KLRF2: variants seen among roughly 807,000 people sequenced by gnomAD.
The protein encoded by KLRF2 is killer cell lectin-like receptor subfamily F member 2.
KLRF2 carries 28 observed loss-of-function variants against 25.3 expected under a neutral mutation model. The ratio of observed to expected loss-of-function variants is 1.11; its 90% CI spans 0.82 to 1.52. The LOEUF (loss-of-function observed/expected upper bound fraction) is 1.52, where lower values mean the gene tolerates loss of function less well. Ranked by LOEUF, KLRF2 falls within the 40% of genes most tolerant of loss-of-function variation. The pLI, the probability that KLRF2 is intolerant of heterozygous loss-of-function variation, is 0.00. For synonymous variants in KLRF2, 73 were observed against 85.0 expected (o/e 0.86, Z 0.78); for missense variants, 265 against 245.8 (o/e 1.08, Z -0.52).
intron 2 of KLRF2, among the ~76,000 whole-genome samples, chr12:9,888,050 G>C (rs1363012100): frequency 1.8e-5 from 1 of 54,952 alleles, no homozygotes; most frequent in Non-Finnish European, 3.1e-5. Flanking sequence ...GCCAGACCCT[G>C]TGTCAAAAAA....
rs1868096202 is a variant in KLRF2 at position 9,881,649 on chromosome 12, G to A, written c.54G>A (p.Ser18=). ...MTLSFKNRCK[S]KQKSKDFSLY... ...TGAGTTTCAAGAATCGTTGTAAATC[G>A]AAGCAGAAATCTAAAGGTAGGAATA... Residue 18 remains serine, a synonymous_variant, in exon 1 of 6, where the codon TCG becomes TCA. Coordinates refer to ENST00000535540, the MANE Select transcript of KLRF2 (RefSeq NM_001190765.1). The A allele has an allele frequency of 1.6e-5, 24 of 1,535,172 alleles. No homozygotes were observed. The highest frequency in any genetic ancestry group is 2.1e-5 in the Non-Finnish European group (24 of 1,146,170).
In KLRF2 at chr12:9,889,644, A is replaced by ATG. The variant is rs1455179093; in HGVS notation, c.217+865_217+866insGT. Among the ~76,000 whole-genome samples, 184 of 140,828 alleles carry ATG rather than the reference A, an allele frequency of 1.3e-3. 2 individuals carry two copies. Among genetic ancestry groups the ATG allele is most frequent in the African/African-American group, 5.0e-3 (167 of 33,402 alleles). 92.4% of individuals were successfully genotyped at this position (140,828 alleles called of 152,430 possible). ...TAAATCTCTCTCTATATGTGTATAT[A>ATG]TATGTGTGTGTGTGTGTATATATAT... On this transcript the variant is annotated intron_variant, in intron 3 of 5. Coordinates refer to ENST00000535540, the MANE Select transcript of KLRF2 (RefSeq NM_001190765.1).
At chr12:9,886,903 G>A (rs1005229154) in intron 2 of KLRF2, among the ~76,000 whole-genome samples, 1 of 152,116 alleles carries the variant, frequency 6.6e-6, no homozygotes, top group Admixed American at 6.6e-5. Flanking sequence ...TGGAGTGAGA[G>A]AGGGGAGTAG....
chr12:9,892,910 A>AAG (rs1862697673), intron 3 of KLRF2, 110 bp from the exon 4 acceptor site: 1 of 1,054,862 alleles, frequency 9.5e-7, no homozygotes, highest in Non-Finnish European at 1.3e-6. Context: ...GACCAAAAAA[A>AAG]AAAAAATGAG....
intron 2 of KLRF2, among the ~76,000 whole-genome samples, chr12:9,888,069 A>AAG (rs1862619580): frequency 6.7e-6 from 1 of 150,374 alleles, no homozygotes; most frequent in East Asian, 1.9e-4. Context: ...AAAAAAAAAA[A>AAG]AAAAAGTTAA....
At position 9,885,001 on chromosome 12, in the gene KLRF2, C is replaced by G. The variant is rs1263671869; in HGVS notation, c.138C>G (p.Phe46Leu). 1 of 1,322,760 alleles carries G rather than the reference C, an allele frequency of 7.6e-7. No homozygotes were observed. Among genetic ancestry groups the G allele is most frequent in the African/African-American group, 1.5e-5 (1 of 65,898 alleles). 81.9% of individuals were successfully genotyped at this position (1,322,760 alleles called of 1,614,324 possible). ...TTGGATGCATTGTGATCCTTATATT[C>G]ATTATGACAGGGATTGACCTGAAGT... ...LIFGCIVILI[F>L]IMTGIDLKFW... Residue 46 changes from phenylalanine (F) to leucine (L), a missense_variant, in exon 2 of 6, where the codon TTC becomes TTG. Transcript: ENST00000535540.
At chr12:9,886,929 C>T (rs1447938971) in intron 2 of KLRF2, among the ~76,000 whole-genome samples, 4 of 151,864 alleles carry the variant, frequency 2.6e-5, no homozygotes, top group Non-Finnish European at 5.9e-5. Flanking sequence ...AGGTCTACTA[C>T]ATAGCTTGGC....
At chr12:9,888,353 G>T in intron 2 of KLRF2, among the ~76,000 whole-genome samples, 1 of 151,892 alleles carries the variant, frequency 6.6e-6, no homozygotes, top group Non-Finnish European at 1.5e-5. Context: ...AGCTGGGCAT[G>T]GTGGTGCGCG....
rs1591779441 is a variant in KLRF2, at chr12:9,893,002, C to G, written c.218-18C>G. 6.6e-7 allele frequency: 1 copy of G among 1,519,628 alleles called. No individual in the cohort carries two copies. Among genetic ancestry groups the G allele is most frequent in the Non-Finnish European group, 8.8e-7 (1 of 1,134,536 alleles). 94.1% of individuals were successfully genotyped at this position (1,519,628 alleles called of 1,614,324 possible). A position where few individuals can be genotyped will look rare whatever the true frequency, so the allele number is the denominator to read the frequency against. ...TGGCTGTAAAGTTTAATTAATTTTC[C>G]CCTATGTTTTCCTTTAGGACACAAT... is the stretch of plus-strand genomic sequence containing the variant. On this transcript the variant is annotated intron_variant, in intron 3 of 5. Transcript: ENST00000535540.
At chr12:9,894,011 C>A (rs186693092) in intron 5 of KLRF2, among the ~76,000 whole-genome samples, 1 of 151,804 alleles carries the variant, frequency 6.6e-6, no homozygotes, top group Admixed American at 6.6e-5. Flanking sequence ...TGTTGATATC[C>A]ATTTCTTTTT....
chr12:9,886,981 C>T lies in KLRF2; in HGVS notation c.170-1752C>T, dbSNP rs976736186. On this transcript the variant is annotated intron_variant, in intron 2 of 5. Coordinates refer to ENST00000535540, the MANE Select transcript of KLRF2 (RefSeq NM_001190765.1). ...TCTTCTGAAAAGTCATGGTAGCTAA[C>T]CAAATATCCCGGAGCACAGAGCAAA... Among the ~76,000 whole-genome samples the T allele has an allele frequency of 2.6e-5, 4 of 151,530 alleles. No homozygotes were observed. The South Asian group carries it at 8.3e-4, about 32-fold the overall frequency.
intron 2 of KLRF2, among the ~76,000 whole-genome samples, chr12:9,887,102 C>A (rs898051950): frequency 6.6e-6 from 1 of 151,880 alleles, no homozygotes; most frequent in Admixed American, 6.6e-5. Flanking sequence ...GCTCTTTTAA[C>A]AAGCTTCCAG....
intron 2 of KLRF2, among the ~76,000 whole-genome samples, chr12:9,887,890 A>T (rs1410678635): frequency 1.3e-5 from 2 of 151,468 alleles, no homozygotes; most frequent in African/African-American, 4.9e-5. Flanking sequence ...CGTCCCTAAT[A>T]AAAAAATACA....
rs1376283189 is a variant in KLRF2, at chr12:9,888,798, T to C, written c.217+18T>C. Reference sequence around the variant, plus strand: ...TCTATCAGGTAATACTCTTTTTGTTTGTTATGTGCTACTCTTAGGGGTAAA... The same window carrying C: ...TCTATCAGGTAATACTCTTTTTGTTCGTTATGTGCTACTCTTAGGGGTAAA... On this transcript the variant is annotated intron_variant, in intron 3 of 5. Transcript: ENST00000535540. The C allele has an allele frequency of 5.5e-6, 8 of 1,443,046 alleles. No individual in the cohort carries two copies. The Admixed American group carries it at 1.4e-4, about 25-fold the overall frequency. 89.4% of individuals were successfully genotyped at this position (1,443,046 alleles called of 1,614,324 possible).
intron 5 of KLRF2, among the ~76,000 whole-genome samples, chr12:9,894,207 A>T (rs1282989515): frequency 7.6e-6 from 1 of 131,444 alleles, no homozygotes; most frequent in Non-Finnish European, 1.5e-5. Flanking sequence ...TTTTCAGCAG[A>T]GCCTTGCTCT....
chr12:9,886,995 G>T (rs537032677), intron 2 of KLRF2, among the ~76,000 whole-genome samples: 1 of 151,784 alleles, frequency 6.6e-6, no homozygotes, highest in Non-Finnish European at 1.5e-5. Flanking sequence ...ATATCCCGGA[G>T]CACAGAGCAA....
rs144176624 is a variant in KLRF2, at chr12:9,881,731, T to C, written c.70+66T>C. On this transcript the variant is annotated intron_variant, in intron 1 of 5. Transcript: ENST00000535540. ...TATTCTTCTAGGAAGAGAATTATCT[T>C]AGAATATTTTTAACATCTTAACATT... is the stretch of plus-strand genomic sequence containing the variant. 2.5e-4 allele frequency: 292 copies of C among 1,155,274 alleles called. 3 individuals carry two copies. In the African/African-American group the frequency reaches 3.8e-3, roughly 15 times the overall value. 71.6% of individuals were successfully genotyped at this position (1,155,274 alleles called of 1,614,324 possible).
chr12:9,891,827 A>C (rs1009964755), intron 3 of KLRF2, among the ~76,000 whole-genome samples: 3 of 152,198 alleles, frequency 2.0e-5, no homozygotes, highest in African/African-American at 7.2e-5. Flanking sequence ...TTTTAATCTT[A>C]GCTGGACATA....
At chr12:9,893,648 T>C (rs184570352) in intron 5 of KLRF2, 107 bp downstream of exon 5, 1 of 447,968 alleles carries the variant, frequency 2.2e-6, no homozygotes, top group African/African-American at 2.0e-5. Context: ...TTTTCCCTTA[T>C]CTTTACATTT....
Sources: allele counts gnomAD v4.1 joint callset (sites outside exome capture counted in the v4.1 genomes callset), GRCh38; gene constraint gnomAD v4.1.1; transcripts MANE v1.5; gene names NCBI Gene and HGNC (gene_info 2026-07-23, HGNC 2026-07-21).